BABAM2: variants seen among roughly 807,000 people sequenced by gnomAD.
BABAM2 encodes the protein BRISC and BRCA1-A complex member 2.
A neutral mutation model predicts 54.7 loss-of-function variants in BABAM2; 31 were observed. The observed-to-expected ratio is 0.57, with a 90% CI of 0.43 to 0.77. The LOEUF (loss-of-function observed/expected upper bound fraction) is 0.77, where lower values mean the gene tolerates loss of function less well. Ranked by LOEUF, BABAM2 falls within the 30% of genes least tolerant of loss-of-function variation. The pLI is 0.00. For missense variants in BABAM2, 364 were observed against 455.8 expected, an observed-to-expected ratio of 0.80 and a Z score of 1.83; for synonymous variants, 167 against 162.9, an observed-to-expected ratio of 1.03 and a Z score of -0.19.
intron 4 of BABAM2, chr2:28,013,329 C>A (rs1199351684): frequency 2.2e-6 from 1 of 455,404 alleles, no homozygotes; most frequent in African/African-American, 2.0e-5. Context: ...TTTGAACATG[C>A]CCTAGAATTC....
At chr2:28,210,199 C>G (rs1679315434) in intron 7 of BABAM2, among the ~76,000 whole-genome samples, 1 of 152,202 alleles carries the variant, frequency 6.6e-6, no homozygotes, top group South Asian at 2.1e-4. Flanking sequence ...GTTCTCCTCC[C>G]TGCTTTCCTG....
intron 3 of BABAM2, among the ~76,000 whole-genome samples, chr2:27,955,576 G>A (rs1670025609): frequency 6.6e-6 from 1 of 152,200 alleles, no homozygotes; most frequent in Admixed American, 6.5e-5. Flanking sequence ...ATGTGCATTA[G>A]TGGAAGTTTC....
chr2:28,279,376 C>T (rs1443657808), intron 10 of BABAM2, among the ~76,000 whole-genome samples: 1 of 152,170 alleles, frequency 6.6e-6, no homozygotes, highest in Non-Finnish European at 1.5e-5. Flanking sequence ...TTTTTGTTAT[C>T]TCCACTTTGA....
At chr2:28,019,904 G>A (rs1283396415) in intron 4 of BABAM2, among the ~76,000 whole-genome samples, 1 of 152,152 alleles carries the variant, frequency 6.6e-6, no homozygotes, top group Non-Finnish European at 1.5e-5. Flanking sequence ...TGGCCTTATA[G>A]TATAGTTTGA....
Position 28,233,603 on chromosome 2 carries a change from A to C in BABAM2, c.681-3599A>C, listed in dbSNP as rs112855198. Among the ~76,000 whole-genome samples, 442 of 152,344 alleles carry C rather than the reference A, an allele frequency of 2.9e-3. 1 individual carries two copies. Among genetic ancestry groups the C allele is most frequent in the African/African-American group, 9.9e-3 (411 of 41,590 alleles). ...TCAGCAGCACTTATCAGTGTGTGAC[A>C]CTGGATGTAGATTTTGGACGCTTAC... is the stretch of plus-strand genomic sequence containing the variant. On this transcript the variant is annotated intron_variant, in intron 7 of 11. Transcript: ENST00000379624.
At chr2:28,013,324 A>G (rs1034883744) in intron 4 of BABAM2, 1 of 455,598 alleles carries the variant, frequency 2.2e-6, no homozygotes, top group East Asian at 7.0e-5. Context: ...AGATATTTGA[A>G]CATGCCCTAG....
chr2:27,900,679 T>G (rs541600325), intron 2 of BABAM2, among the ~76,000 whole-genome samples: 1 of 152,314 alleles, frequency 6.6e-6, no homozygotes, highest in African/African-American at 2.4e-5. Context: ...ATTGGCCTGA[T>G]AGTGTATTGC....
chr2:27,976,643 A>G (rs1483794766), intron 3 of BABAM2, among the ~76,000 whole-genome samples: 1 of 152,204 alleles, frequency 6.6e-6, no homozygotes, highest in Non-Finnish European at 1.5e-5. Flanking sequence ...GGTGATGTTT[A>G]CACAAATCTC....
intron 6 of BABAM2, among the ~76,000 whole-genome samples, chr2:28,088,184 AT>A (rs575429913): frequency 1.4e-4 from 21 of 151,492 alleles, no homozygotes; most frequent in East Asian, 5.8e-4. Context: ...GTATTTTCTT[AT>A]TTTTTTTTAA....
At chr2:27,982,160 G>A (rs1263065029) in intron 3 of BABAM2, among the ~76,000 whole-genome samples, 2 of 151,940 alleles carry the variant, frequency 1.3e-5, no homozygotes, top group Non-Finnish European at 2.9e-5. Context: ...TATCTTCTTG[G>A]AGAAATACCT....
intron 8 of BABAM2, 78 bp downstream of exon 8, chr2:28,237,379 T>C: frequency 7.7e-7 from 1 of 1,299,676 alleles, no homozygotes. Flanking sequence ...TCATCGTGCA[T>C]GCTCCATCCT....
At chr2:28,100,182 G>T (rs1666957355) in intron 6 of BABAM2, among the ~76,000 whole-genome samples, 1 of 151,994 alleles carries the variant, frequency 6.6e-6, no homozygotes, top group Non-Finnish European at 1.5e-5. Flanking sequence ...AGGCACAGTG[G>T]CTCACACCTG....
intron 6 of BABAM2, among the ~76,000 whole-genome samples, chr2:28,109,143 G>A (rs1206286052): frequency 6.6e-6 from 1 of 151,316 alleles, no homozygotes; most frequent in Non-Finnish European, 1.5e-5. Flanking sequence ...CTTACACAGG[G>A]ACCATTTGGT....
intron 7 of BABAM2, among the ~76,000 whole-genome samples, chr2:28,170,578 C>G (rs56357765): frequency 1.3e-5 from 2 of 151,654 alleles, no homozygotes; most frequent in Admixed American, 1.3e-4. Flanking sequence ...AGAAATATTT[C>G]CTCCTAAAAT....
intron 6 of BABAM2, among the ~76,000 whole-genome samples, chr2:28,091,744 T>G (rs1666174747): frequency 6.6e-6 from 1 of 152,198 alleles, no homozygotes; most frequent in South Asian, 2.1e-4. Context: ...ACTATGAAAC[T>G]AAAGTGAAAT....
At chr2:28,084,099 C>A (rs182183389) in intron 6 of BABAM2, among the ~76,000 whole-genome samples, 10 of 152,216 alleles carry the variant, frequency 6.6e-5, no homozygotes, top group African/African-American at 1.9e-4. Flanking sequence ...CCTTCTCACT[C>A]CAGGGTTATG....
chr2:27,979,595 T>C (rs1671859856), intron 3 of BABAM2, among the ~76,000 whole-genome samples: 1 of 152,124 alleles, frequency 6.6e-6, no homozygotes, highest in Non-Finnish European at 1.5e-5. Context: ...GTGTAAGCAT[T>C]TCCTTTTCTG....
chr2:28,027,264 T>TA (rs1675941175), intron 5 of BABAM2, among the ~76,000 whole-genome samples: 1 of 151,898 alleles, frequency 6.6e-6, no homozygotes, highest in Non-Finnish European at 1.5e-5. Context: ...AAACTTCTAC[T>TA]AATGTTATGT....
At chr2:28,060,326 A>G (rs1678756628) in intron 6 of BABAM2, among the ~76,000 whole-genome samples, 1 of 152,318 alleles carries the variant, frequency 6.6e-6, no homozygotes, top group South Asian at 2.1e-4. Context: ...ACTCTTAGGA[A>G]TCTAGGAATG....
Sources: gnomAD v4.1 joint callset for allele counts (sites outside exome capture counted in the v4.1 genomes callset) on GRCh38, gnomAD v4.1.1 for gene constraint, MANE v1.5 for transcripts, NCBI Gene and HGNC (gene_info 2026-07-23, HGNC 2026-07-21) for gene names.